The following FUT9 variants were observed in gnomAD, a reference collection of about 807,000 sequenced individuals.
The protein encoded by FUT9 is fucosyltransferase 9, also known as 4-galactosyl-N-acetylglucosaminide 3-alpha-L-fucosyltransferase 9.
FUT9 carries 15 observed loss-of-function variants against 29.7 expected under a neutral mutation model. The observed-to-expected ratio is 0.51, with a 90% CI of 0.34 to 0.78. The LOEUF (loss-of-function observed/expected upper bound fraction) is 0.78, where lower values mean the gene tolerates loss of function less well. Among genes scored for constraint, FUT9 ranks in the 30% least tolerant of loss-of-function variants. The pLI is 0.01. For missense variants in FUT9, 319 were observed against 425.4 expected (o/e 0.75, Z 2.20); for synonymous variants, 169 against 153.7 (o/e 1.10, Z -0.74).
intron 2 of FUT9, among the ~76,000 whole-genome samples, chr6:96,191,975 A>C (rs1013103007): frequency 1.3e-5 from 2 of 152,222 alleles, no homozygotes; most frequent in African/African-American, 4.8e-5. Flanking sequence ...CAATAGATGC[A>C]GAAAAGGCCT....
At chr6:96,065,863 T>G (rs149601719) in intron 1 of FUT9, among the ~76,000 whole-genome samples, 2 of 152,310 alleles carry the variant, frequency 1.3e-5, no homozygotes, top group African/African-American at 4.8e-5. Context: ...AGGAATAGAT[T>G]GTTGTCGCAA....
chr6:96,156,657 G>T (rs1430735646), intron 2 of FUT9, among the ~76,000 whole-genome samples: 2 of 152,082 alleles, frequency 1.3e-5, no homozygotes, highest in African/African-American at 4.8e-5. Flanking sequence ...TCCCTTATCT[G>T]CACAAAATAT....
At chr6:96,116,133 T>A (rs1027933134) in intron 2 of FUT9, among the ~76,000 whole-genome samples, 3 of 152,180 alleles carry the variant, frequency 2.0e-5, no homozygotes, top group Non-Finnish European at 4.4e-5. Flanking sequence ...TGGTAAAATA[T>A]CTGAGCTTTA....
intron 2 of FUT9, among the ~76,000 whole-genome samples, chr6:96,173,180 T>C (rs1020927678): frequency 5.3e-5 from 8 of 151,932 alleles, no homozygotes; most frequent in African/African-American, 1.9e-4. Context: ...TTTGAGGTGC[T>C]GGCTCCCACT....
intron 1 of FUT9, among the ~76,000 whole-genome samples, chr6:96,018,132 G>C (rs778151060): frequency 6.6e-6 from 1 of 152,032 alleles, no homozygotes; most frequent in Non-Finnish European, 1.5e-5. Flanking sequence ...TTCTAAATTT[G>C]AAAATTTTAG....
intron 2 of FUT9, among the ~76,000 whole-genome samples, chr6:96,185,881 C>A (rs1372239172): frequency 6.6e-6 from 1 of 151,798 alleles, no homozygotes; most frequent in African/African-American, 2.4e-5. Context: ...ATAAGATGAC[C>A]CTTGAGGATG....
At chr6:96,195,710 C>T (rs900232862) in intron 2 of FUT9, among the ~76,000 whole-genome samples, 3 of 152,014 alleles carry the variant, frequency 2.0e-5, no homozygotes, top group Non-Finnish European at 2.9e-5. Context: ...TAATCTTGCA[C>T]GTGTTCTTAG....
At chr6:96,202,002 C>A (rs558235788) in intron 2 of FUT9, among the ~76,000 whole-genome samples, 1 of 151,760 alleles carries the variant, frequency 6.6e-6, no homozygotes, top group African/African-American at 2.4e-5. Context: ...AAGGAAACAT[C>A]TAATGTTTCT....
intron 2 of FUT9, among the ~76,000 whole-genome samples, chr6:96,140,540 G>A (rs912160803): frequency 3.9e-5 from 6 of 152,214 alleles, no homozygotes; most frequent in East Asian, 3.9e-4. Context: ...TACCTGAGAC[G>A]GGGCAATTTA....
At chr6:96,166,743 T>C (rs984215205) in intron 2 of FUT9, among the ~76,000 whole-genome samples, 1 of 152,180 alleles carries the variant, frequency 6.6e-6, no homozygotes, top group African/African-American at 2.4e-5. Context: ...TATAAAAATC[T>C]ATGCATGCTC....
chr6:96,043,684 G>T (rs1211770014), intron 1 of FUT9, among the ~76,000 whole-genome samples: 1 of 152,078 alleles, frequency 6.6e-6, no homozygotes, highest in Non-Finnish European at 1.5e-5. Context: ...AATCTTCTTT[G>T]AATAGCATAT....
At chr6:96,031,631 C>T (rs1770264097) in intron 1 of FUT9, among the ~76,000 whole-genome samples, 1 of 151,440 alleles carries the variant, frequency 6.6e-6, no homozygotes, top group Non-Finnish European at 1.5e-5. Context: ...TATTTATTCC[C>T]TAGCAATTTA....
intron 1 of FUT9, among the ~76,000 whole-genome samples, chr6:96,077,242 A>G (rs72927930): frequency 0.042 from 6,430 of 152,224 alleles, 192 homozygotes; most frequent in South Asian, 0.12. Flanking sequence ...ACACACACAT[A>G]CACATCCCTT....
chr6:96,088,439 G>T lies in FUT9; in HGVS notation c.-97-25600G>T, dbSNP rs1004402095. Among the ~76,000 whole-genome samples, 5 of 151,454 alleles carry T rather than the reference G, an allele frequency of 3.3e-5. No homozygotes were observed. The East Asian group carries it at 9.7e-4, about 29-fold the overall frequency. ...AACTTTTGTTTATTTAAACACTTTT[G>T]TCTTCTTTCTCCCAATTTTTAGGAC... is the stretch of plus-strand genomic sequence containing the variant. On this transcript the variant is annotated intron_variant, in intron 1 of 2. Transcript: ENST00000302103.
chr6:96,088,916 T>C (rs1771366664), intron 1 of FUT9, among the ~76,000 whole-genome samples: 1 of 132,988 alleles, frequency 7.5e-6, no homozygotes, highest in Non-Finnish European at 1.6e-5. Flanking sequence ...AGCTTTGTTA[T>C]TGGGCACAGC....
In FUT9 at chr6:96,035,344, T is replaced by C. The variant is rs1160597584; in HGVS notation, c.-98+19132T>C. 2.0e-5 allele frequency among the ~76,000 whole-genome samples: 3 copies of C among 151,522 alleles called. No individual in the cohort carries two copies. The South Asian group carries it at 6.2e-4, about 31-fold the overall frequency. On this transcript the variant is annotated intron_variant, in intron 1 of 2. Coordinates refer to ENST00000302103, the MANE Select transcript of FUT9 (RefSeq NM_006581.4). The stretch of plus-strand genomic sequence containing the variant: ...GTGCATAAATGCATTGAAAACAAAT[T>C]ATTTACTCCCCTGTTTCTTTTCTTG...
chr6:96,133,525 C>T (rs1772290239), intron 2 of FUT9, among the ~76,000 whole-genome samples: 1 of 151,832 alleles, frequency 6.6e-6, no homozygotes, highest in Admixed American at 6.6e-5. Context: ...TTAGGGAACC[C>T]TGACCAAAAT....
intron 1 of FUT9, among the ~76,000 whole-genome samples, chr6:96,017,700 T>G (rs1770003212): frequency 6.6e-6 from 1 of 152,108 alleles, no homozygotes; most frequent in Non-Finnish European, 1.5e-5. Flanking sequence ...GTTAGGAACT[T>G]TAAAAGGTGC....
intron 2 of FUT9, among the ~76,000 whole-genome samples, chr6:96,176,285 C>T (rs1042189877): frequency 2.0e-5 from 3 of 151,914 alleles, no homozygotes; most frequent in African/African-American, 7.3e-5. Flanking sequence ...TTAATCCCCT[C>T]CTATTTATAT....
Sources: gnomAD v4.1 joint callset for allele counts (sites outside exome capture counted in the v4.1 genomes callset) on GRCh38, gnomAD v4.1.1 for gene constraint, MANE v1.5 for transcripts, NCBI Gene and HGNC (gene_info 2026-07-23, HGNC 2026-07-21) for gene names.